CEP41: variants seen among roughly 807,000 people sequenced by gnomAD.
CEP41 encodes the protein centrosomal protein of 41 kDa.
A neutral mutation model predicts 44.3 loss-of-function variants in CEP41; 32 were observed. The observed-to-expected ratio is 0.72, with a 90% confidence interval of 0.54 to 0.97. The LOEUF (loss-of-function observed/expected upper bound fraction) is 0.97, where lower values mean the gene tolerates loss of function less well. Among genes scored for constraint, CEP41 ranks in the 50% least tolerant of loss-of-function variants. The pLI is 0.00. For missense variants in CEP41, 432 were observed against 455.2 expected (o/e 0.95, Z 0.46); for synonymous variants, 151 against 168.5 (o/e 0.90, Z 0.80).
At chr7:130,401,773 TAA>T (rs1796850451) in intron 8 of CEP41, 106 bp downstream of exon 8, 1 of 761,802 alleles carries the variant, frequency 1.3e-6, no homozygotes. Flanking sequence ...CTCAGCCAAA[TAA>T]TATCAAAGGT....
At chr7:130,426,757 G>A (rs1449685423) in intron 2 of CEP41, 23 of 433,994 alleles carry the variant, frequency 5.3e-5, no homozygotes, top group Non-Finnish European at 7.8e-5. Flanking sequence ...GGAACAGTAC[G>A]GCCTAAGAAA....
At chr7:130,421,175 C>G in intron 2 of CEP41, 6 of 985,374 alleles carry the variant, frequency 6.1e-6, no homozygotes, top group Non-Finnish European at 6.0e-6. Flanking sequence ...GTGAATGAGT[C>G]ATTCATTAGA....
At chr7:130,437,087 C>G (rs1398739720) in intron 1 of CEP41, among the ~76,000 whole-genome samples, 2 of 151,736 alleles carry the variant, frequency 1.3e-5, no homozygotes, top group East Asian at 3.9e-4. Context: ...AAATTAAAAA[C>G]TAAAATGAAG....
chr7:130,401,583 A>C (rs1261156176), intron 8 of CEP41, among the ~76,000 whole-genome samples: 1 of 152,162 alleles, frequency 6.6e-6, no homozygotes, highest in African/African-American at 2.4e-5. Flanking sequence ...AAATAGAAAA[A>C]AACCCTAAGT....
chr7:130,441,258 G>T (rs375099242), upstream of CEP41: 23 of 533,890 alleles, frequency 4.3e-5, no homozygotes, highest in East Asian at 5.8e-4. Context: ...GAGAGGCGCG[G>T]GGGGAGGGGA....
At chr7:130,425,827 A>T (rs1372343055) in intron 2 of CEP41, among the ~76,000 whole-genome samples, 1 of 152,274 alleles carries the variant, frequency 6.6e-6, no homozygotes, top group African/African-American at 2.4e-5. Context: ...AAATGGAACA[A>T]ATTACTGATA....
rs908864217 is a variant in CEP41, at chr7:130,401,106, G to A, written c.643-285C>T. 16 of 391,476 alleles carry A rather than the reference G, an allele frequency of 4.1e-5. No homozygotes were observed. The Admixed American group carries it at 5.8e-4, about 14-fold the overall frequency. The allele number at this position is 391,476 out of a possible 1,614,324, so 24.3% of individuals were successfully genotyped here. On this transcript the variant is annotated intron_variant, in intron 8 of 10. Transcript: ENST00000223208. The stretch of plus-strand genomic sequence containing the variant: ...TCTCTTATCCCTATGACCCTGGAAA[G>A]TAAATATTACAATCCCCATTTTACA...
At position 130,401,916 on chromosome 7, in the gene CEP41, T is replaced by C. The variant is rs1554417018; in HGVS notation, c.607A>G (p.Thr203Ala). Residue 203 changes from threonine (T) to alanine (A), a missense_variant, in exon 8 of 11, where the codon ACA becomes GCA. Transcript: ENST00000223208. ...YSYPIATLSR[T>A]MNPYSNDILE... is the part of the protein sequence containing the mutation. Reference sequence around the variant, plus strand: ...ATATCATTTGAATAAGGGTTCATTGTTCTAGACAGAGTTGCAATTGGGTAA... The same window carrying C: ...ATATCATTTGAATAAGGGTTCATTGCTCTAGACAGAGTTGCAATTGGGTAA... 6.2e-7 allele frequency: 1 copy of C among 1,610,968 alleles called. No homozygotes were observed. The highest frequency in any genetic ancestry group is 1.1e-5 in the South Asian group (1 of 91,028).
intron 2 of CEP41, 129 bp from the exon 3 acceptor site, chr7:130,417,095 G>A (rs1797360575): frequency 7.1e-7 from 1 of 1,408,196 alleles, no homozygotes; most frequent in Admixed American, 1.9e-5. Flanking sequence ...CTGGACAGCA[G>A]CAAACAGGCC....
chr7:130,401,123 C>T (rs548366689), intron 8 of CEP41: 2 of 360,878 alleles, frequency 5.5e-6, no homozygotes, highest in East Asian at 6.6e-5. Context: ...TTACAATCCC[C>T]ATTTTACAGA....
chr7:130,419,231 G>A, intron 2 of CEP41: 1 of 985,330 alleles, frequency 1.0e-6, no homozygotes, highest in Non-Finnish European at 1.2e-6. Context: ...CTACTGATGA[G>A]TTCTTTTCAC....
intron 1 of CEP41, among the ~76,000 whole-genome samples, chr7:130,431,627 G>A (rs1472136832): frequency 2.0e-5 from 3 of 152,214 alleles, no homozygotes; most frequent in Non-Finnish European, 4.4e-5. Flanking sequence ...TCTGAGGGTT[G>A]AGGAGGTTAG....
intron 1 of CEP41, among the ~76,000 whole-genome samples, chr7:130,430,248 CACA>C (rs1797784786): frequency 6.6e-6 from 1 of 152,064 alleles, no homozygotes; most frequent in Non-Finnish European, 1.5e-5. Context: ...GCAAAAGCCT[CACA>C]ACAACTATCT....
chr7:130,438,691 C>A (rs1798049302), intron 1 of CEP41, among the ~76,000 whole-genome samples: 2 of 152,194 alleles, frequency 1.3e-5, no homozygotes, highest in African/African-American at 4.8e-5. Context: ...CCATGTCACT[C>A]CTTTAATAAC....
intron 1 of CEP41, among the ~76,000 whole-genome samples, chr7:130,435,450 A>G (rs1470687325): frequency 6.6e-6 from 1 of 152,242 alleles, no homozygotes; most frequent in Non-Finnish European, 1.5e-5. Context: ...GAGATATTTT[A>G]CTGAAGAGGA....
At chr7:130,420,148 C>T in intron 2 of CEP41, 2 of 755,804 alleles carry the variant, frequency 2.6e-6, no homozygotes, top group Non-Finnish European at 3.2e-6. Context: ...ATAGTGAGAC[C>T]TCGTCTCTAC....
intron 3 of CEP41, 115 bp from the exon 4 acceptor site, chr7:130,412,355 T>C (rs1169270045): frequency 3.0e-6 from 2 of 665,572 alleles, no homozygotes; most frequent in Non-Finnish European, 5.5e-6. Flanking sequence ...ATCTATTATC[T>C]CATTTGAGCC....
chr7:130,423,877 T>C (rs1797583214), intron 2 of CEP41, among the ~76,000 whole-genome samples: 1 of 151,910 alleles, frequency 6.6e-6, no homozygotes, highest in South Asian at 2.1e-4. Flanking sequence ...CTACATACTG[T>C]ATGATTGCAT....
In CEP41 at chr7:130,396,391, T is replaced by C. The variant is rs782310225; in HGVS notation, c.*2500A>G. 4 of 454,228 alleles carry C rather than the reference T, an allele frequency of 8.8e-6. No individual in the cohort carries two copies. The highest frequency in any genetic ancestry group is 6.0e-5 in the African/African-American group (3 of 50,006). The allele number at this position is 454,228 out of a possible 1,614,324, so 28.1% of individuals were successfully genotyped here. A position where few individuals can be genotyped will look rare whatever the true frequency, so the allele number is the denominator to read the frequency against. ...CCCTGCCCTAATTGGACTGATTTCC[T>C]GATTCATTTATTTTTTTTAAAAAAT... On this transcript the variant is annotated 3_prime_UTR_variant, in exon 11 of 11. Transcript: ENST00000223208.
Sources: allele counts gnomAD v4.1 joint callset (sites outside exome capture counted in the v4.1 genomes callset), GRCh38; gene constraint gnomAD v4.1.1; transcripts MANE v1.5; gene names NCBI Gene and HGNC (gene_info 2026-07-23, HGNC 2026-07-21).